TMEM8B: variants seen among roughly 807,000 people sequenced by gnomAD.
TMEM8B encodes the protein nasopharyngeal carcinoma expressed 6.
A neutral mutation model predicts 49.3 loss-of-function variants in TMEM8B; 29 were observed. The ratio of observed to expected loss-of-function variants is 0.59; its 90% CI spans 0.44 to 0.80. The LOEUF (loss-of-function observed/expected upper bound fraction) is 0.80, where lower values mean the gene tolerates loss of function less well. TMEM8B is among the 30% of genes least tolerant of loss of function. The pLI, the probability that TMEM8B is intolerant of heterozygous loss-of-function variation, is 0.00. For missense variants in TMEM8B, 575 were observed against 658.5 expected (o/e 0.87, Z 1.39); for synonymous variants, 264 against 272.8 (o/e 0.97, Z 0.32).
chr9:35,846,640 C>A (rs376525656), intron 9 of TMEM8B, 29 bp downstream of exon 9: 272 of 1,569,828 alleles, frequency 1.7e-4, no homozygotes, highest in Non-Finnish European at 2.3e-4. Context: ...GAGCGGGCTG[C>A]GGTGGACTGG....
intron 3 of TMEM8B, among the ~76,000 whole-genome samples, chr9:35,840,234 G>A (rs1163119413): frequency 2.6e-5 from 4 of 152,212 alleles, no homozygotes; most frequent in Non-Finnish European, 4.4e-5. Context: ...TGGGGGAGAC[G>A]TGGTTGATCT....
Position 35,844,213 on chromosome 9 carries a change from T to C in TMEM8B, c.1635+1496T>C, listed in dbSNP as rs1831290180. On this transcript the variant is annotated intron_variant, in intron 6 of 12. Transcript: ENST00000643932. ...TTTTGAACCTGAATGGAAGAATTTA[T>C]GTCCCTCCTTGAGGTATTGCCTAAT... 2.0e-5 allele frequency among the ~76,000 whole-genome samples: 3 copies of C among 152,288 alleles called. No homozygotes were observed. In the South Asian group the frequency reaches 6.2e-4, roughly 31 times the overall value.
At chr9:35,832,160 G>C (rs1829965558) in intron 1 of TMEM8B, among the ~76,000 whole-genome samples, 1 of 135,176 alleles carries the variant, frequency 7.4e-6, no homozygotes, top group Admixed American at 7.7e-5. Context: ...TATGTGTGTA[G>C]GTGTAGGGGT....
intron 1 of TMEM8B, 89 bp from the exon 2 acceptor site, chr9:35,834,372 G>A: frequency 5.0e-6 from 2 of 402,098 alleles, no homozygotes. Context: ...TGGAGTTGAT[G>A]CTATTGGTGA....
chr9:35,842,741 G>A lies in TMEM8B; in HGVS notation c.1635+24G>A. The A allele has an allele frequency of 6.3e-7, 1 of 1,585,906 alleles. No individual in the cohort carries two copies. Among genetic ancestry groups the A allele is most frequent in the Non-Finnish European group, 8.6e-7 (1 of 1,163,216 alleles). On this transcript the variant is annotated intron_variant, in intron 6 of 12. Transcript: ENST00000643932. This position sits in a 1 kb window ranked among gnomAD's most constrained non-coding sequence, Gnocchi z 5.6. ...CGGTACTCTTTATGGAGAGTGGGGA[G>A]GTTGCTCTGCCAGGGAGCTTGAAGG...
chr9:35,852,183 CCA>C (rs1322734383), intron 10 of TMEM8B, among the ~76,000 whole-genome samples: 1 of 152,224 alleles, frequency 6.6e-6, no homozygotes, highest in Non-Finnish European at 1.5e-5. Flanking sequence ...CCTCAATAGT[CCA>C]CTCTTCACTA....
rs1831174493 is a variant in TMEM8B at position 35,842,991 on chromosome 9, A to G, written c.1635+274A>G. 1.3e-5 allele frequency among the ~76,000 whole-genome samples: 2 copies of G among 152,172 alleles called. 1 individual carries two copies. The highest frequency in any genetic ancestry group is 4.1e-4 in the South Asian group (2 of 4,834). The stretch of plus-strand genomic sequence containing the variant: ...TCCTGCTCATTACTGGCCTTTCACT[A>G]CGGTAGTTGTTAACCTTTTCTTGCA... On this transcript the variant is annotated intron_variant, in intron 6 of 12. Coordinates refer to ENST00000643932, the MANE Select transcript of TMEM8B (RefSeq NM_001042590.4). This position sits in a 1 kb window ranked among gnomAD's most constrained non-coding sequence, Gnocchi z 5.6.
intron 6 of TMEM8B, chr9:35,845,718 C>T (rs1473122851): frequency 1.0e-6 from 1 of 985,302 alleles, no homozygotes; most frequent in Non-Finnish European, 1.2e-6. Flanking sequence ...AATTGAAACA[C>T]TTCTGCCCAA....
At chr9:35,833,319 C>T in intron 1 of TMEM8B, 1 of 985,376 alleles carries the variant, frequency 1.0e-6, no homozygotes, top group South Asian at 4.7e-5. Flanking sequence ...GAGTTCCCCA[C>T]CTTCTCACCT....
chr9:35,833,021 G>C (rs1830070321), intron 1 of TMEM8B, among the ~76,000 whole-genome samples: 1 of 152,110 alleles, frequency 6.6e-6, no homozygotes, highest in African/African-American at 2.4e-5. Flanking sequence ...GTCTGAACTG[G>C]ACAGACTAGT....
At position 35,853,370 on chromosome 9, in the gene TMEM8B, C is replaced by A; in HGVS notation, c.2439+113C>A. On this transcript the variant is annotated intron_variant, in intron 12 of 12. Coordinates refer to ENST00000643932, the MANE Select transcript of TMEM8B (RefSeq NM_001042590.4). The surrounding 1 kb of genome is among the most constrained non-coding windows in gnomAD (Gnocchi z 4.2). ...TTGGCTCTGTCGTCATCACCTGCTG[C>A]TGGCAGTGTCCGCTCCAGTCTTGGC... The A allele has an allele frequency of 6.9e-7, 1 of 1,440,050 alleles. No individual in the cohort carries two copies. Among genetic ancestry groups the A allele is most frequent in the Non-Finnish European group, 9.5e-7 (1 of 1,049,098 alleles). The allele number at this position is 1,440,050 out of a possible 1,614,324, so 89.2% of individuals were successfully genotyped here.
At position 35,829,899 on chromosome 9, in the gene TMEM8B, A is replaced by G. The variant is rs921888236; in HGVS notation, c.452A>G (p.Gln151Arg). The change falls in exon 1 of 13, where the codon CAG becomes CGG. Residue 151 changes from glutamine (Q) to arginine (R), a missense_variant. By Grantham distance (43) the Gln-to-Arg change is conservative. Coordinates refer to ENST00000643932, the MANE Select transcript of TMEM8B (RefSeq NM_001042590.4). Reference protein sequence around the residue: ...LSQPRLKSGFQLPPALLLLLL... With the variant: ...LSQPRLKSGFRLPPALLLLLL... The stretch of plus-strand genomic sequence containing the variant: ...CAGCCTAGACTCAAGTCTGGGTTTC[A>G]GCTGCCGCCAGCCCTATTGCTGCTG... The G allele has an allele frequency of 1.9e-5, 8 of 416,018 alleles. No individual in the cohort carries two copies. Among genetic ancestry groups the G allele is most frequent in the Non-Finnish European group, 2.6e-5 (6 of 226,654 alleles). 25.8% of individuals were successfully genotyped at this position (416,018 alleles called of 1,614,324 possible).
intron 10 of TMEM8B, among the ~76,000 whole-genome samples, chr9:35,849,853 C>T (rs1270132889): frequency 1.3e-5 from 2 of 152,228 alleles, no homozygotes; most frequent in Non-Finnish European, 2.9e-5. Context: ...TTTAATTGTG[C>T]AACTTGAACC....
At chr9:35,847,141 A>C in intron 10 of TMEM8B, 146 bp downstream of exon 10, 1 of 1,613,842 alleles carries the variant, frequency 6.2e-7, no homozygotes, top group Non-Finnish European at 8.5e-7. Flanking sequence ...GTGCTTCCCA[A>C]ACTGTCATGC....
chr9:35,838,771 T>G lies in TMEM8B; in HGVS notation c.907-2363T>G, dbSNP rs1830683488. 2.6e-5 allele frequency among the ~76,000 whole-genome samples: 4 copies of G among 152,222 alleles called. No homozygotes were observed. In the South Asian group the frequency reaches 8.3e-4, roughly 32 times the overall value. On this transcript the variant is annotated intron_variant, in intron 3 of 12. Coordinates refer to ENST00000643932, the MANE Select transcript of TMEM8B (RefSeq NM_001042590.4). ...TGATCTTCCTCAGGAAATTGTACTG[T>G]CATCCACCCATTGCTCAAGCCCCAA...
At chr9:35,838,620 A>C (rs1293893369) in intron 3 of TMEM8B, among the ~76,000 whole-genome samples, 1 of 152,142 alleles carries the variant, frequency 6.6e-6, no homozygotes, top group East Asian at 1.9e-4. Context: ...TGACATCTCC[A>C]ACTGGATGTC....
intron 10 of TMEM8B, among the ~76,000 whole-genome samples, chr9:35,850,694 T>G (rs1193736833): frequency 6.6e-6 from 1 of 152,224 alleles, no homozygotes; most frequent in Non-Finnish European, 1.5e-5. Context: ...CCCTCAATTA[T>G]TCCCCTAGAT....
At position 35,842,553 on chromosome 9, in the gene TMEM8B, C is replaced by T. The variant is rs780718470; in HGVS notation, c.1471C>T (p.Arg491Cys). ...CCCACCCGAGCACTGCTGGCCAGTG[C>T]GCCCGACTCTGCGCAACGAGCTGGA... is the stretch of plus-strand genomic sequence containing the variant. ...TSPPEHCWPV[R>C]PTLRNELDTF... is the part of the protein sequence containing the mutation. The change falls in exon 6 of 13, where the codon CGC (arginine) becomes TGC (cysteine). Residue 491 changes from arginine (R) to cysteine (C), a missense_variant. Coordinates refer to ENST00000643932, the MANE Select transcript of TMEM8B (RefSeq NM_001042590.4). This position sits in a 1 kb window ranked among gnomAD's most constrained non-coding sequence, Gnocchi z 5.6. 2.8e-5 allele frequency: 45 copies of T among 1,614,184 alleles called. No homozygotes were observed. Among genetic ancestry groups the T allele is most frequent in the Non-Finnish European group, 3.7e-5 (44 of 1,180,030 alleles).
At chr9:35,848,191 T>G (rs1407298) in intron 10 of TMEM8B, among the ~76,000 whole-genome samples, 130,036 of 152,158 alleles carry the variant, frequency 0.85, 56,259 homozygotes, top group Middle Eastern at 0.95. Flanking sequence ...GGAAGAAGAG[T>G]CTGCAACCAT....
Sources: allele counts gnomAD v4.1 joint callset (sites outside exome capture counted in the v4.1 genomes callset), GRCh38; gene constraint gnomAD v4.1.1; non-coding constraint Gnocchi (gnomAD v3.1); transcripts MANE v1.5; gene names NCBI Gene and HGNC (gene_info 2026-07-23, HGNC 2026-07-21).